LEKR1: variants seen among roughly 807,000 people sequenced by gnomAD.
The protein encoded by LEKR1 is leucine, glutamate and lysine rich 1, also known as protein LEKR1.
LEKR1 carries 59 observed loss-of-function variants against 72.4 expected under a neutral mutation model. The observed-to-expected ratio is 0.82, with a 90% CI of 0.66 to 1.01. The LOEUF is 1.01. Ranked by LOEUF, LEKR1 falls within the 50% of genes least tolerant of loss-of-function variation. The pLI is 0.00. For missense variants in LEKR1, 728 were observed against 759.2 expected (o/e 0.96, Z 0.48); for synonymous variants, 257 against 263.2 (o/e 0.98, Z 0.23).
At chr3:157,020,476 T>C (rs1340451193) in intron 10 of LEKR1, among the ~76,000 whole-genome samples, 1 of 131,966 alleles carries the variant, frequency 7.6e-6, no homozygotes, top group African/African-American at 2.9e-5. Context: ...CCCCTTCCTG[T>C]GTCCATGTGT....
At chr3:156,893,046 T>C (rs868761916) in intron 3 of LEKR1, among the ~76,000 whole-genome samples, 1 of 152,218 alleles carries the variant, frequency 6.6e-6, no homozygotes, top group African/African-American at 2.4e-5. Context: ...AAATCTCTGT[T>C]CTTGAGGGGC....
At chr3:156,863,562 A>C (rs866109620) in intron 3 of LEKR1, among the ~76,000 whole-genome samples, 16 of 152,226 alleles carry the variant, frequency 1.1e-4, no homozygotes, top group Middle Eastern at 6.8e-3. Flanking sequence ...TTTACATATT[A>C]TTTACATATT....
At chr3:156,848,092 G>A (rs983125707) in intron 2 of LEKR1, among the ~76,000 whole-genome samples, 5 of 152,162 alleles carry the variant, frequency 3.3e-5, no homozygotes, top group African/African-American at 1.2e-4. Context: ...TGATGAAAGT[G>A]ACTTACAGTA....
At chr3:156,911,767 C>G (rs927217178) in intron 3 of LEKR1, among the ~76,000 whole-genome samples, 1 of 151,972 alleles carries the variant, frequency 6.6e-6, no homozygotes, top group Non-Finnish European at 1.5e-5. Context: ...GGGGTTCTTT[C>G]CCAATTGCTT....
intron 9 of LEKR1, among the ~76,000 whole-genome samples, chr3:156,994,302 C>G (rs1022803046): frequency 4.6e-5 from 7 of 152,062 alleles, no homozygotes; most frequent in Non-Finnish European, 1.0e-4. Context: ...TGTCTCAGAA[C>G]TCTTTCTTGC....
chr3:156,905,933 C>T (rs183771759), intron 3 of LEKR1, among the ~76,000 whole-genome samples: 3 of 152,166 alleles, frequency 2.0e-5, no homozygotes, highest in Admixed American at 6.6e-5. Flanking sequence ...TTTGCCTGTC[C>T]GACCTTAGTA....
intron 2 of LEKR1, among the ~76,000 whole-genome samples, chr3:156,829,962 C>A (rs1449530352): frequency 2.6e-5 from 4 of 152,110 alleles, no homozygotes; most frequent in Non-Finnish European, 4.4e-5. Flanking sequence ...AGACACTAGT[C>A]TATTTTGTCA....
intron 11 of LEKR1, among the ~76,000 whole-genome samples, chr3:157,025,202 C>T (rs532364653): frequency 1.4e-4 from 22 of 152,152 alleles, no homozygotes; most frequent in South Asian, 1.2e-3. Context: ...AAAATTAGTA[C>T]GGCTAGATAT....
chr3:156,998,200 C>T (rs1441353045), intron 9 of LEKR1, among the ~76,000 whole-genome samples: 2 of 152,070 alleles, frequency 1.3e-5, no homozygotes, highest in African/African-American at 4.8e-5. Context: ...GTGCAACACT[C>T]CTTCAGGCAT....
At chr3:156,987,850 A>G (rs554952704) in intron 7 of LEKR1, among the ~76,000 whole-genome samples, 7 of 152,268 alleles carry the variant, frequency 4.6e-5, no homozygotes, top group African/African-American at 1.4e-4. Flanking sequence ...GTAGGCCATC[A>G]CACAATTTAA....
intron 3 of LEKR1, among the ~76,000 whole-genome samples, chr3:156,874,593 G>C (rs1718345028): frequency 6.6e-6 from 1 of 151,912 alleles, no homozygotes; most frequent in African/African-American, 2.4e-5. Context: ...GTCACATGGA[G>C]AAGTTCTTTA....
intron 2 of LEKR1, chr3:156,852,149 C>T (rs1198865680): frequency 1.3e-5 from 2 of 152,156 alleles, no homozygotes; most frequent in East Asian, 1.9e-4. Context: ...TATTTAACTT[C>T]AGTAGTCTCA....
chr3:156,927,413 T>G lies in LEKR1; in HGVS notation c.384-16T>G, dbSNP rs1724822426. On this transcript the variant is annotated splice_polypyrimidine_tract_variant and intron_variant, in intron 4 of 12. Coordinates refer to ENST00000356539, the MANE Select transcript of LEKR1 (RefSeq NM_001004316.3). ...TACTATTTTTTAAAATCCTATTTTT[T>G]TTTTTTACTTTGCAGTCAAAGATTG... 6 of 1,021,190 alleles carry G rather than the reference T, an allele frequency of 5.9e-6. No homozygotes were observed. In the Admixed American group the frequency reaches 3.2e-4, roughly 54 times the overall value. The allele number at this position is 1,021,190 out of a possible 1,614,324, so 63.3% of individuals were successfully genotyped here.
intron 12 of LEKR1, 47 bp from the exon 13 acceptor site, chr3:157,045,293 C>T (rs1259652599): frequency 1.2e-5 from 17 of 1,472,012 alleles, no homozygotes; most frequent in Non-Finnish European, 1.6e-5. Flanking sequence ...TACTTATGTA[C>T]ATTGTTTAAA....
intron 7 of LEKR1, among the ~76,000 whole-genome samples, chr3:156,980,885 A>C (rs1169840081): frequency 6.6e-6 from 1 of 152,248 alleles, no homozygotes; most frequent in South Asian, 2.1e-4. Context: ...GATATTTTAC[A>C]GAATAAGTTG....
intron 6 of LEKR1, among the ~76,000 whole-genome samples, chr3:156,943,255 C>T (rs1726385160): frequency 6.6e-6 from 1 of 151,856 alleles, no homozygotes; most frequent in East Asian, 1.9e-4. Context: ...ACAAATTAAT[C>T]TGTTAGTAAT....
Position 157,006,929 on chromosome 3 carries a change from C to T in LEKR1, c.1110-4484C>T, listed in dbSNP as rs370116138. ...TGGATTACAAAGAGGCGGATGGGCA[C>T]GGCGGCTCACGCCTGTAATCCCAGC... is the stretch of plus-strand genomic sequence containing the variant. On this transcript the variant is annotated intron_variant, in intron 9 of 12. Transcript: ENST00000356539. Among the ~76,000 whole-genome samples the T allele has an allele frequency of 5.9e-5, 9 of 152,228 alleles. No individual in the cohort carries two copies. In the East Asian group the frequency reaches 9.7e-4, roughly 16 times the overall value.
chr3:156,838,050 G>C (rs1713383013), intron 2 of LEKR1, among the ~76,000 whole-genome samples: 1 of 152,172 alleles, frequency 6.6e-6, no homozygotes, highest in Non-Finnish European at 1.5e-5. Flanking sequence ...ACAAAACACA[G>C]ACACCAGTCA....
chr3:157,015,106 A>G (rs992996106), intron 10 of LEKR1, among the ~76,000 whole-genome samples: 2 of 152,178 alleles, frequency 1.3e-5, no homozygotes, highest in Non-Finnish European at 2.9e-5. Context: ...TGTGGTTGCC[A>G]TAACTTAGTG....
Sources: gnomAD v4.1 joint callset for allele counts (sites outside exome capture counted in the v4.1 genomes callset) on GRCh38, gnomAD v4.1.1 for gene constraint, MANE v1.5 for transcripts, NCBI Gene and HGNC (gene_info 2026-07-23, HGNC 2026-07-21) for gene names.